Variants in RGS22 observed in about 807,000 individuals in gnomAD.
RGS22 encodes the protein regulator of G-protein signaling 22.
RGS22 carries 148 observed loss-of-function variants against 172.9 expected under a neutral mutation model. The ratio of observed to expected loss-of-function variants is 0.86; its 90% CI spans 0.75 to 0.98. The LOEUF is 0.98. Ranked by LOEUF, RGS22 falls within the 50% of genes least tolerant of loss-of-function variation. The pLI is 0.00. For missense variants in RGS22, 1,347 were observed against 1,440.8 expected (o/e 0.93, Z 1.05); for synonymous variants, 458 against 480.2 (o/e 0.95, Z 0.60).
chr8:100,053,820 A>G (rs1345357736), intron 9 of RGS22, among the ~76,000 whole-genome samples: 1 of 152,016 alleles, frequency 6.6e-6, no homozygotes, highest in African/African-American at 2.4e-5. Flanking sequence ...TATTTTTAGT[A>G]GAGACAGGTT....
intron 21 of RGS22, among the ~76,000 whole-genome samples, chr8:99,984,141 C>A (rs189079890): frequency 3.7e-4 from 56 of 152,068 alleles, no homozygotes; most frequent in African/African-American, 1.3e-3. Context: ...AAAATATTAG[C>A]TGGGTGTGGT....
chr8:100,009,902 T>G (rs55846947), intron 14 of RGS22, among the ~76,000 whole-genome samples: 1 of 152,190 alleles, frequency 6.6e-6, no homozygotes, highest in Non-Finnish European at 1.5e-5. Context: ...TCAATGCCTA[T>G]TCTGAAGAAG....
chr8:100,034,039 CT>C, intron 14 of RGS22, among the ~76,000 whole-genome samples: 1 of 152,282 alleles, frequency 6.6e-6, no homozygotes, highest in South Asian at 2.1e-4. Context: ...GAAGCATTCC[CT>C]TTGAAAACCA....
intron 14 of RGS22, among the ~76,000 whole-genome samples, chr8:100,031,332 A>C (rs926954790): frequency 6.6e-6 from 1 of 152,152 alleles, no homozygotes; most frequent in Non-Finnish European, 1.5e-5. Flanking sequence ...TTAAAATAAC[A>C]GTGTGTTACC....
Position 100,099,165 on chromosome 8 carries a change from C to T in RGS22, c.55-5656G>A, listed in dbSNP as rs540310245. 2.2e-4 allele frequency among the ~76,000 whole-genome samples: 34 copies of T among 152,156 alleles called. No homozygotes were observed. The South Asian group carries it at 6.2e-3, about 28-fold the overall frequency. On this transcript the variant is annotated intron_variant, in intron 2 of 27. Transcript: ENST00000360863. ...TCCTGACTTCATGATCCACCCGCCTCGGCCTCTCAAAGTGCTGGGATTACA... is the reference window on the plus strand; with the variant it reads ...TCCTGACTTCATGATCCACCCGCCTTGGCCTCTCAAAGTGCTGGGATTACA...
chr8:99,993,853 G>A, intron 20 of RGS22, among the ~76,000 whole-genome samples: 1 of 152,186 alleles, frequency 6.6e-6, no homozygotes, highest in East Asian at 1.9e-4. Flanking sequence ...AAACATCGAT[G>A]CGAAAATCCT....
At chr8:99,969,902 TCTCCAC>T (rs1275227698) in intron 23 of RGS22, among the ~76,000 whole-genome samples, 1 of 152,140 alleles carries the variant, frequency 6.6e-6, no homozygotes, top group Non-Finnish European at 1.5e-5. Flanking sequence ...TCTACAGAAC[TCTCCAC>T]CCCAAATCAA....
intron 2 of RGS22, 59 bp from the exon 3 acceptor site, chr8:100,093,568 T>TA: frequency 9.1e-7 from 1 of 1,094,780 alleles, no homozygotes; most frequent in Non-Finnish European, 1.4e-6. Flanking sequence ...ATCATGCCTA[T>TA]ATTATTCTCT....
intron 23 of RGS22, among the ~76,000 whole-genome samples, chr8:99,976,656 C>T (rs565142632): frequency 9.9e-5 from 15 of 152,168 alleles, no homozygotes; most frequent in East Asian, 1.9e-4. Flanking sequence ...CCACTGCGCC[C>T]GACTGAACCA....
At chr8:100,056,784 G>A (rs1321554720) in intron 9 of RGS22, among the ~76,000 whole-genome samples, 3 of 152,196 alleles carry the variant, frequency 2.0e-5, no homozygotes, top group African/African-American at 7.2e-5. Flanking sequence ...CTGCAGGGGC[G>A]GGGCACTCAT....
intron 9 of RGS22, among the ~76,000 whole-genome samples, chr8:100,055,061 C>T (rs1288584473): frequency 6.6e-6 from 1 of 152,216 alleles, no homozygotes; most frequent in Non-Finnish European, 1.5e-5. Context: ...TCTGGACCCA[C>T]CTAGGGCCTG....
intron 20 of RGS22, among the ~76,000 whole-genome samples, chr8:99,993,596 C>T (rs1200169776): frequency 1.3e-5 from 2 of 152,160 alleles, no homozygotes; most frequent in African/African-American, 4.8e-5. Flanking sequence ...AGACCAAAAA[C>T]AGGCTCTGAA....
intron 4 of RGS22, among the ~76,000 whole-genome samples, chr8:100,074,043 G>A (rs1389474326): frequency 1.3e-5 from 2 of 151,928 alleles, no homozygotes; most frequent in East Asian, 1.9e-4. Flanking sequence ...TCTATCTAAG[G>A]TGAAATTATT....
intron 3 of RGS22, 164 bp downstream of exon 3, chr8:100,093,283 A>C: frequency 2.0e-6 from 1 of 508,452 alleles, no homozygotes; most frequent in South Asian, 3.5e-5. Context: ...ATATGATTCA[A>C]ATCCAAATGA....
intron 23 of RGS22, among the ~76,000 whole-genome samples, chr8:99,967,485 G>A (rs1264633497): frequency 6.6e-6 from 1 of 152,140 alleles, no homozygotes; most frequent in Non-Finnish European, 1.5e-5. Flanking sequence ...CCACTGGCTT[G>A]AAATTCTCAC....
chr8:99,985,351 C>T (rs975158304), intron 21 of RGS22, among the ~76,000 whole-genome samples: 9 of 152,174 alleles, frequency 5.9e-5, no homozygotes, highest in Non-Finnish European at 1.0e-4. Flanking sequence ...AGAGTTAGCT[C>T]GGTTAGACTT....
intron 24 of RGS22, among the ~76,000 whole-genome samples, chr8:99,963,261 C>T (rs77423332): frequency 6.6e-6 from 1 of 152,182 alleles, no homozygotes; most frequent in East Asian, 1.9e-4. Context: ...ATAGCCTTGA[C>T]AAAATGTTTA....
rs775859199 is a variant in RGS22 at position 100,072,261 on chromosome 8, G to C, written c.340-31C>G. On this transcript the variant is annotated intron_variant, in intron 4 of 27. Coordinates refer to ENST00000360863, the MANE Select transcript of RGS22 (RefSeq NM_015668.5). The stretch of plus-strand genomic sequence containing the variant: ...AGAAGAAAGAGAAAAAGAAAAAGAA[G>C]GTCAGAGAAAATCACTTTTAGGATG... The C allele has an allele frequency of 5.3e-5, 76 of 1,422,606 alleles. No individual in the cohort carries two copies. In the East Asian group the frequency reaches 1.8e-3, roughly 33 times the overall value. The allele number at this position is 1,422,606 out of a possible 1,614,324, so 88.1% of individuals were successfully genotyped here.
chr8:99,974,760 T>C (rs1389565043), intron 23 of RGS22, among the ~76,000 whole-genome samples: 3 of 148,968 alleles, frequency 2.0e-5, no homozygotes, highest in Non-Finnish European at 4.4e-5. Context: ...ATCATCCCAC[T>C]GCACTCCAGC....
Sources: allele counts gnomAD v4.1 joint callset (sites outside exome capture counted in the v4.1 genomes callset), GRCh38; gene constraint gnomAD v4.1.1; transcripts MANE v1.5; gene names NCBI Gene and HGNC (gene_info 2026-07-23, HGNC 2026-07-21).